MCC: variants seen among roughly 807,000 people sequenced by gnomAD.
MCC encodes the protein MCC regulator of Wnt signaling pathway.
In MCC, 90 loss-of-function variants were observed where a neutral mutation model predicts 116.2. The ratio of observed to expected loss-of-function variants is 0.77; its 90% confidence interval spans 0.65 to 0.92. MCC has a LOEUF of 0.92. Ranked by LOEUF, MCC falls within the 40% of genes least tolerant of loss-of-function variation. MCC has a pLI of 0.00. For missense variants in MCC, 1,516 were observed against 1,312.2 expected, an observed-to-expected ratio of 1.16 and a Z score of -2.40; for synonymous variants, 578 against 510.5, an observed-to-expected ratio of 1.13 and a Z score of -1.78.
At chr5:113,259,588 CTTTG>C (rs927268953) in intron 3 of MCC, among the ~76,000 whole-genome samples, 2 of 152,124 alleles carry the variant, frequency 1.3e-5, no homozygotes, top group South Asian at 2.1e-4. Context: ...GTGAAGTCTA[CTTTG>C]TTTATTTCCA....
chr5:113,485,462 G>T (rs1772494492), intron 1 of MCC, among the ~76,000 whole-genome samples: 1 of 152,194 alleles, frequency 6.6e-6, no homozygotes. Flanking sequence ...AGTAGGCATG[G>T]TTAAGTGATG....
In MCC at chr5:113,025,274, GC is replaced by G. The variant is rs1418212875; in HGVS notation, c.*2027del. 6.6e-6 allele frequency: 1 copy of G among 150,562 alleles called. No individual in the cohort carries two copies. Among genetic ancestry groups the G allele is most frequent in the Admixed American group, 6.6e-5 (1 of 15,072 alleles). 9.3% of individuals were successfully genotyped at this position (150,562 alleles called of 1,614,324 possible). On this transcript the variant is annotated 3_prime_UTR_variant, in exon 19 of 19. Coordinates refer to ENST00000408903, the MANE Select transcript of MCC (RefSeq NM_001085377.2). ...TTTTTTTTGGGGCATATGTTTTTCA[GC>G]CAAAACATTTTCCTCATGATAAAAT...
At chr5:113,230,295 A>G (rs1763895313) in intron 3 of MCC, among the ~76,000 whole-genome samples, 1 of 152,206 alleles carries the variant, frequency 6.6e-6, no homozygotes, top group South Asian at 2.1e-4. Flanking sequence ...TAACACATCA[A>G]TGTCCTTGAA....
intron 11 of MCC, among the ~76,000 whole-genome samples, chr5:113,074,465 A>G (rs911462336): frequency 6.6e-6 from 1 of 152,262 alleles, no homozygotes; most frequent in Non-Finnish European, 1.5e-5. Context: ...TCTAAAAATC[A>G]GAGTGCCTCT....
At chr5:113,115,022 T>C (rs1039920685) in intron 6 of MCC, among the ~76,000 whole-genome samples, 1 of 148,442 alleles carries the variant, frequency 6.7e-6, no homozygotes, top group Non-Finnish European at 1.5e-5. Context: ...GCTTAACACT[T>C]AAGCTGTCCA....
At chr5:113,368,423 C>G (rs1768755108) in intron 2 of MCC, among the ~76,000 whole-genome samples, 1 of 152,094 alleles carries the variant, frequency 6.6e-6, no homozygotes. Context: ...CCTTTGTTTT[C>G]TTTGTTTACT....
At chr5:113,242,444 G>C (rs978767561) in intron 3 of MCC, among the ~76,000 whole-genome samples, 1 of 151,576 alleles carries the variant, frequency 6.6e-6, no homozygotes, top group African/African-American at 2.4e-5. Context: ...GATAATAAAG[G>C]ACAAAATTAA....
At chr5:113,115,426 G>T (rs997869705) in intron 6 of MCC, among the ~76,000 whole-genome samples, 2 of 152,170 alleles carry the variant, frequency 1.3e-5, no homozygotes, top group Non-Finnish European at 2.9e-5. Flanking sequence ...ACCAGCTGGG[G>T]ATTTGTTTTC....
chr5:113,479,931 A>C (rs560543687), intron 1 of MCC, among the ~76,000 whole-genome samples: 1 of 152,354 alleles, frequency 6.6e-6, no homozygotes, highest in Admixed American at 6.5e-5. Context: ...TGTTTCCAAG[A>C]AGAATAAATA....
Position 113,477,688 on chromosome 5 carries a change from T to C in MCC, c.170+10557A>G, listed in dbSNP as rs77621378. Among the ~76,000 whole-genome samples the C allele has an allele frequency of 4.6e-3, 698 of 152,252 alleles. 5 individuals carry two copies. Among genetic ancestry groups the C allele is most frequent in the African/African-American group, 0.016 (676 of 41,534 alleles). The stretch of plus-strand genomic sequence containing the variant: ...GCAGAGGGAAGAGGAAGGAATGCTT[T>C]AGATAAAAGGAGCTCCAGAGATGTG... On this transcript the variant is annotated intron_variant, in intron 1 of 18. Transcript: ENST00000408903.
chr5:113,461,744 T>TAAAAAAAAAAAAAAAAAAAAAAAA (rs56312844), intron 1 of MCC, among the ~76,000 whole-genome samples: 3 of 118,852 alleles, frequency 2.5e-5, no homozygotes, highest in Non-Finnish European at 3.5e-5. Context: ...CTTGCACCAG[T>TAAAAAAAAAAAAAAAAAAAAAAAA]AAAAAAAAAA....
intron 3 of MCC, among the ~76,000 whole-genome samples, chr5:113,287,166 C>T (rs1298760856): frequency 1.3e-5 from 2 of 152,154 alleles, no homozygotes; most frequent in South Asian, 4.1e-4. Context: ...AATCCAAGTC[C>T]TAACTAATAT....
At chr5:113,053,327 T>C (rs1057176085) in intron 15 of MCC, among the ~76,000 whole-genome samples, 1 of 152,176 alleles carries the variant, frequency 6.6e-6, no homozygotes, top group African/African-American at 2.4e-5. Context: ...GGCCAAACTC[T>C]ACAACTGGCC....
intron 1 of MCC, among the ~76,000 whole-genome samples, chr5:113,392,809 G>A (rs1485736149): frequency 1.3e-5 from 2 of 152,092 alleles, no homozygotes; most frequent in Non-Finnish European, 2.9e-5. Context: ...TATAAGTGAG[G>A]AAATTGAGGA....
At chr5:113,275,532 C>T (rs1443237860) in intron 3 of MCC, among the ~76,000 whole-genome samples, 3 of 152,144 alleles carry the variant, frequency 2.0e-5, no homozygotes, top group Non-Finnish European at 4.4e-5. Flanking sequence ...GATTAAGCTT[C>T]CTACATTAGA....
intron 6 of MCC, among the ~76,000 whole-genome samples, chr5:113,105,523 C>T (rs578134309): frequency 7.9e-4 from 120 of 152,298 alleles, no homozygotes; most frequent in African/African-American, 2.7e-3. Context: ...CCTGTTCCTC[C>T]CCGATCTCTC....
intron 3 of MCC, among the ~76,000 whole-genome samples, chr5:113,163,450 T>C (rs1280919706): frequency 6.6e-6 from 1 of 152,218 alleles, no homozygotes; most frequent in East Asian, 1.9e-4. Context: ...TGGTTTCCAA[T>C]TGTCCCCCAC....
intron 14 of MCC, among the ~76,000 whole-genome samples, chr5:113,056,259 C>T (rs1338371041): frequency 6.6e-6 from 1 of 152,074 alleles, no homozygotes; most frequent in African/African-American, 2.4e-5. Flanking sequence ...TTCATAAAGT[C>T]AGGGTAAGGA....
chr5:113,075,223 G>C (rs190528051), intron 11 of MCC, among the ~76,000 whole-genome samples: 82 of 152,344 alleles, frequency 5.4e-4, no homozygotes, highest in Non-Finnish European at 3.4e-4. Flanking sequence ...AGCACTTCCG[G>C]CCCGCTCGCG....
Sources: gnomAD v4.1 joint callset for allele counts (sites outside exome capture counted in the v4.1 genomes callset) on GRCh38, gnomAD v4.1.1 for gene constraint, MANE v1.5 for transcripts, NCBI Gene and HGNC (gene_info 2026-07-23, HGNC 2026-07-21) for gene names.